SOX5: variants seen among roughly 807,000 people sequenced by gnomAD.
SOX5 encodes transcription factor SOX-5.
SOX5 carries 9 observed loss-of-function variants against 92.0 expected under a neutral mutation model. The observed-to-expected ratio is 0.10, with a 90% CI of 0.06 to 0.17. The LOEUF (loss-of-function observed/expected upper bound fraction) is 0.17, where lower values mean the gene tolerates loss of function less well. Among genes scored for constraint, SOX5 ranks in the 10% least tolerant of loss-of-function variants. The probability of loss-of-function intolerance (pLI) is 1.00; values close to 1 mark genes in which losing one functional copy is unlikely to be tolerated. For synonymous variants in SOX5, 344 were observed against 336.3 expected (o/e 1.02, Z -0.25); for missense variants, 642 against 944.5 (o/e 0.68, Z 4.20).
intron 7 of SOX5, among the ~76,000 whole-genome samples, chr12:23,655,346 A>G (rs1250270742): frequency 1.3e-5 from 2 of 152,108 alleles, no homozygotes; most frequent in Non-Finnish European, 2.9e-5. Flanking sequence ...AACAAGAATC[A>G]TGAATTATGG....
intron 4 of SOX5, among the ~76,000 whole-genome samples, chr12:24,030,033 C>T (rs573114147): frequency 1.1e-4 from 16 of 151,750 alleles, no homozygotes; most frequent in South Asian, 4.2e-4. Flanking sequence ...TTCGTTTTAC[C>T]GAAGAGAAAT....
At chr12:24,335,043 A>T (rs1036351376) in intron 2 of SOX5, among the ~76,000 whole-genome samples, 1 of 152,076 alleles carries the variant, frequency 6.6e-6, no homozygotes, top group Non-Finnish European at 1.5e-5. Context: ...TAGTTCTTTC[A>T]CCCTAAAAAA....
intron 4 of SOX5, among the ~76,000 whole-genome samples, chr12:24,190,742 A>T (rs1956442676): frequency 6.6e-6 from 1 of 152,242 alleles, no homozygotes; most frequent in African/African-American, 2.4e-5. Flanking sequence ...AGGAAAAAAT[A>T]CTATGGCAAT....
At chr12:24,030,787 C>G (rs1172717264) in intron 4 of SOX5, among the ~76,000 whole-genome samples, 2 of 151,804 alleles carry the variant, frequency 1.3e-5, no homozygotes, top group Non-Finnish European at 2.9e-5. Context: ...ATTTGCAAAT[C>G]CTATATCTGA....
intron 2 of SOX5, among the ~76,000 whole-genome samples, chr12:24,290,087 C>T (rs181072102): frequency 1.1e-3 from 164 of 152,288 alleles, no homozygotes; most frequent in Middle Eastern, 6.8e-3. Flanking sequence ...CTTCTGCCAG[C>T]ATTCATAGAA....
intron 4 of SOX5, among the ~76,000 whole-genome samples, chr12:24,100,713 T>C (rs1157382146): frequency 6.6e-6 from 1 of 152,132 alleles, no homozygotes; most frequent in African/African-American, 2.4e-5. Context: ...GGCTTTGATA[T>C]ACAATAGGAT....
intron 3 of SOX5, among the ~76,000 whole-genome samples, chr12:24,238,861 T>C (rs1316024569): frequency 6.6e-6 from 1 of 152,258 alleles, no homozygotes; most frequent in Non-Finnish European, 1.5e-5. Flanking sequence ...GCAGGACTTC[T>C]GCCCATCTCT....
chr12:23,547,119 T>C (rs1199468026), intron 11 of SOX5, among the ~76,000 whole-genome samples: 1 of 152,170 alleles, frequency 6.6e-6, no homozygotes, highest in Non-Finnish European at 1.5e-5. Flanking sequence ...ACGATTCACA[T>C]TCATGGAGAA....
intron 3 of SOX5, among the ~76,000 whole-genome samples, chr12:23,757,720 CAA>C (rs2094437969): frequency 6.6e-6 from 1 of 151,886 alleles, no homozygotes; most frequent in Admixed American, 6.6e-5. Context: ...TGTGCACTAA[CAA>C]TAGGCCCCTG....
intron 2 of SOX5, among the ~76,000 whole-genome samples, chr12:24,308,867 CA>C (rs1216618230): frequency 6.6e-6 from 1 of 152,152 alleles, no homozygotes; most frequent in Non-Finnish European, 1.5e-5. Flanking sequence ...CAGAAACTCA[CA>C]AACACATACA....
In SOX5 at chr12:24,088,463, C is replaced by A. The variant is rs369353647; in HGVS notation, c.-2+124880G>T. On this transcript the variant is annotated intron_variant, in intron 4 of 4. Coordinates refer to the SOX5 transcript ENST00000446891. Reference sequence around the variant, plus strand: ...ACTTACCACAACTCTGCACACGCACCTTTTCAATCAATAAAAGATAATAAA... The same window carrying A: ...ACTTACCACAACTCTGCACACGCACATTTTCAATCAATAAAAGATAATAAA... Among the ~76,000 whole-genome samples the A allele has an allele frequency of 4.4e-4, 67 of 151,988 alleles. 1 individual carries two copies. The South Asian group carries it at 0.013, about 29-fold the overall frequency.
At chr12:23,732,915 A>G (rs564750165) in intron 6 of SOX5, among the ~76,000 whole-genome samples, 2 of 152,274 alleles carry the variant, frequency 1.3e-5, no homozygotes, top group African/African-American at 2.4e-5. Context: ...GCTTTTCATT[A>G]AAAAATGTTC....
At chr12:24,220,459 C>T (rs1960140001) in intron 3 of SOX5, among the ~76,000 whole-genome samples, 1 of 151,560 alleles carries the variant, frequency 6.6e-6, no homozygotes, top group African/African-American at 2.4e-5. Context: ...TTTTTACTTT[C>T]TTGTTTTGCT....
At chr12:24,474,805 G>A (rs1455729759) in intron 1 of SOX5, among the ~76,000 whole-genome samples, 1 of 151,774 alleles carries the variant, frequency 6.6e-6, no homozygotes, top group Non-Finnish European at 1.5e-5. Flanking sequence ...CAAAGTGCTA[G>A]GATTACAGGC....
chr12:24,234,540 G>A (rs1964063681), intron 3 of SOX5, among the ~76,000 whole-genome samples: 1 of 151,914 alleles, frequency 6.6e-6, no homozygotes, highest in African/African-American at 2.4e-5. Flanking sequence ...ACCACGCCTG[G>A]CTAATTTTTG....
intron 10 of SOX5, among the ~76,000 whole-genome samples, chr12:23,575,098 C>CA (rs1948914831): frequency 6.6e-6 from 1 of 152,134 alleles, no homozygotes; most frequent in Non-Finnish European, 1.5e-5. Context: ...TTGACTTTTT[C>CA]AAAGTCAGCT....
intron 1 of SOX5, among the ~76,000 whole-genome samples, chr12:23,912,587 A>C (rs1460388986): frequency 6.6e-6 from 1 of 152,238 alleles, no homozygotes; most frequent in Non-Finnish European, 1.5e-5. Flanking sequence ...AAACAGGCCA[A>C]GAATCTGTTA....
chr12:24,428,662 T>C (rs1966995182), intron 1 of SOX5, among the ~76,000 whole-genome samples: 1 of 130,430 alleles, frequency 7.7e-6, no homozygotes, highest in Admixed American at 9.3e-5. Flanking sequence ...CTAGCTACTC[T>C]GGAGGCTGAG....
At chr12:24,448,745 C>T (rs775517733) in intron 1 of SOX5, among the ~76,000 whole-genome samples, 17 of 152,068 alleles carry the variant, frequency 1.1e-4, no homozygotes, top group African/African-American at 2.9e-4. Context: ...TTTTTAACTA[C>T]GTTATTGGAA....
Sources: gnomAD v4.1 joint callset for allele counts (sites outside exome capture counted in the v4.1 genomes callset) on GRCh38, gnomAD v4.1.1 for gene constraint, MANE v1.5 for transcripts, NCBI Gene and HGNC (gene_info 2026-07-23, HGNC 2026-07-21) for gene names.